Variants in NUS1 observed in about 807,000 individuals in gnomAD.
The protein encoded by NUS1 is NUS1 dehydrodolichyl diphosphate synthase subunit.
For missense variants in NUS1, 292 were observed against 382.9 expected (o/e 0.76, Z 1.98); for synonymous variants, 135 against 155.2 (o/e 0.87, Z 0.97).
chr6:117,704,305 T>C (rs772206989), intron 4 of NUS1, among the ~76,000 whole-genome samples: 1 of 152,090 alleles, frequency 6.6e-6, no homozygotes, highest in Non-Finnish European at 1.5e-5. Flanking sequence ...AAAAGACAAG[T>C]GAAGAGGCCA....
chr6:117,703,879 G>A (rs1239280815), intron 4 of NUS1, among the ~76,000 whole-genome samples, 175 bp downstream of exon 4: 1 of 152,160 alleles, frequency 6.6e-6, no homozygotes, highest in East Asian at 1.9e-4. Context: ...TTAGACACAA[G>A]AGAGTGTATA....
At chr6:117,678,387 C>T (rs1237221885) in intron 1 of NUS1, among the ~76,000 whole-genome samples, 1 of 152,102 alleles carries the variant, frequency 6.6e-6, no homozygotes, top group Non-Finnish European at 1.5e-5. Context: ...CTCTTCCAGA[C>T]ATGGGAATGC....
chr6:117,695,196 A>T (rs1773299715), intron 3 of NUS1, among the ~76,000 whole-genome samples: 3 of 130,048 alleles, frequency 2.3e-5, no homozygotes, highest in African/African-American at 8.7e-5. Context: ...CCTGTCTCAA[A>T]AAAAAAAAAA....
At chr6:117,696,061 T>C (rs1773315160) in intron 3 of NUS1, among the ~76,000 whole-genome samples, 1 of 152,042 alleles carries the variant, frequency 6.6e-6, no homozygotes, top group Non-Finnish European at 1.5e-5. Context: ...AAAGTCAGAA[T>C]TCTATCAGAT....
chr6:117,698,676 T>C (rs930659549), intron 3 of NUS1, among the ~76,000 whole-genome samples: 2 of 152,092 alleles, frequency 1.3e-5, no homozygotes, highest in African/African-American at 4.8e-5. Context: ...TTTGTGAAGC[T>C]AGTATTACCA....
At chr6:117,694,930 C>T (rs921219470) in intron 3 of NUS1, among the ~76,000 whole-genome samples, 4 of 152,038 alleles carry the variant, frequency 2.6e-5, no homozygotes, top group African/African-American at 9.7e-5. Flanking sequence ...TGGGGTGGCT[C>T]ACACTTGTAA....
intron 1 of NUS1, among the ~76,000 whole-genome samples, chr6:117,678,715 C>A (rs1242471467): frequency 8.0e-6 from 1 of 125,122 alleles, no homozygotes; most frequent in Non-Finnish European, 1.6e-5. Flanking sequence ...GAGTCTCGCT[C>A]TGTCACCCAG....
intron 1 of NUS1, among the ~76,000 whole-genome samples, chr6:117,679,521 A>T (rs1773031089): frequency 1.3e-5 from 2 of 152,208 alleles, no homozygotes; most frequent in Non-Finnish European, 2.9e-5. Context: ...AACAATTTAT[A>T]TATTGACTTA....
chr6:117,697,415 C>T (rs1773335160), intron 3 of NUS1, among the ~76,000 whole-genome samples: 1 of 152,044 alleles, frequency 6.6e-6, no homozygotes, highest in South Asian at 2.1e-4. Context: ...ACCAGAAACA[C>T]ACTTCACCTA....
intron 2 of NUS1, among the ~76,000 whole-genome samples, chr6:117,693,753 T>C (rs1562179257): frequency 6.6e-6 from 1 of 152,208 alleles, no homozygotes; most frequent in African/African-American, 2.4e-5. Flanking sequence ...AAGTTTCTGT[T>C]TTCTAGAGGA....
intron 3 of NUS1, among the ~76,000 whole-genome samples, chr6:117,701,411 A>G (rs2114692542): frequency 6.6e-6 from 1 of 151,624 alleles, no homozygotes; most frequent in East Asian, 1.9e-4. Flanking sequence ...CGCCTGGCTA[A>G]TTTTTTGCAT....
At chr6:117,679,942 C>A (rs1773036546) in intron 1 of NUS1, among the ~76,000 whole-genome samples, 1 of 152,124 alleles carries the variant, frequency 6.6e-6, no homozygotes, top group Non-Finnish European at 1.5e-5. Flanking sequence ...GGACGGGCAG[C>A]CACTTTGAAG....
chr6:117,693,384 G>A (rs1488840570), intron 2 of NUS1, among the ~76,000 whole-genome samples: 1 of 152,008 alleles, frequency 6.6e-6, no homozygotes, highest in Non-Finnish European at 1.5e-5. Flanking sequence ...TTTTTTAACT[G>A]GTTCCACAGA....
In NUS1 at chr6:117,694,094, G is replaced by T; in HGVS notation, c.605G>T (p.Arg202Ile). ...GAAGATGGAAAAGCAGATATTGTAA[G>T]AGCTGCTCAGGACTTTTGCCAGTTA... is the stretch of plus-strand genomic sequence containing the variant. ...SPEDGKADIV[R>I]AAQDFCQLVA... The change falls in exon 3 of 5, where the codon AGA (arginine) becomes ATA (isoleucine). Residue 202 changes from arginine (R) to isoleucine (I), a missense_variant. Arg to Ile is a moderately conservative substitution (Grantham distance 97, BLOSUM62 -3). Coordinates refer to ENST00000368494, the MANE Select transcript of NUS1 (RefSeq NM_138459.5). The T allele has an allele frequency of 6.2e-7, 1 of 1,612,910 alleles. No individual in the cohort carries two copies. The highest frequency in any genetic ancestry group is 8.5e-7 in the Non-Finnish European group (1 of 1,179,344).
At chr6:117,682,837 A>G (rs1413050347) in intron 1 of NUS1, among the ~76,000 whole-genome samples, 2 of 152,230 alleles carry the variant, frequency 1.3e-5, no homozygotes, top group African/African-American at 4.8e-5. Flanking sequence ...TGGTAAAAGA[A>G]TGTGACGACA....
rs1041259462 is a variant in NUS1, at chr6:117,675,890, G to A, written c.220G>A (p.Gly74Arg). Residue 74 changes from glycine (G) to arginine (R), a missense_variant, in exon 1 of 5, where the codon GGG (glycine) becomes AGG (arginine). Transcript: ENST00000368494. Reference protein sequence around the residue: ...RNRRHHRHPRGGSCLAAAHHR... With the variant: ...RNRRHHRHPRRGSCLAAAHHR... Reference sequence around the variant, plus strand: ...CCGCCGTCACCACCGGCACCCGCGCGGGGGGTCGTGCCTGGCAGCCGCACA... The same window carrying A: ...CCGCCGTCACCACCGGCACCCGCGCAGGGGGTCGTGCCTGGCAGCCGCACA... The A allele has an allele frequency of 4.6e-6, 7 of 1,534,924 alleles. No individual in the cohort carries two copies. In the East Asian group the frequency reaches 9.8e-5, roughly 22 times the overall value.
chr6:117,677,945 A>C (rs531407396), intron 1 of NUS1, among the ~76,000 whole-genome samples: 1 of 152,356 alleles, frequency 6.6e-6, no homozygotes, highest in East Asian at 1.9e-4. Context: ...CTTTTAAAGC[A>C]AGTATCTTTA....
intron 3 of NUS1, among the ~76,000 whole-genome samples, chr6:117,699,173 G>A (rs1773363716): frequency 6.6e-6 from 1 of 150,944 alleles, no homozygotes; most frequent in South Asian, 2.1e-4. Context: ...AGAAAAAGAA[G>A]GAAAAGGCAT....
chr6:117,687,340 A>G (rs1044771721), intron 1 of NUS1, among the ~76,000 whole-genome samples: 3 of 152,254 alleles, frequency 2.0e-5, no homozygotes, highest in African/African-American at 4.8e-5. Flanking sequence ...TTGAACTGCT[A>G]TATGGAAAAT....
Sources: gnomAD v4.1 joint callset for allele counts (sites outside exome capture counted in the v4.1 genomes callset) on GRCh38, gnomAD v4.1.1 for gene constraint, MANE v1.5 for transcripts, NCBI Gene and HGNC (gene_info 2026-07-23, HGNC 2026-07-21) for gene names.